SPC25: variants seen among roughly 807,000 people sequenced by gnomAD.
The protein encoded by SPC25 is SPC25 component of NDC80 kinetochore complex.
A neutral mutation model predicts 29.6 loss-of-function variants in SPC25; 22 were observed. That is an observed-to-expected ratio of 0.74 (90% CI 0.53 to 1.06). The LOEUF (loss-of-function observed/expected upper bound fraction) is 1.06, where lower values mean the gene tolerates loss of function less well. Among genes scored for constraint, SPC25 ranks in the 50% least tolerant of loss-of-function variants. The pLI is 0.00. For synonymous variants in SPC25, 91 were observed against 90.4 expected (o/e 1.01, Z -0.04); for missense variants, 230 against 255.8 (o/e 0.90, Z 0.69).
At chr2:168,877,108 T>C in intron 4 of SPC25, 130 bp downstream of exon 4, 1 of 883,810 alleles carries the variant, frequency 1.1e-6, no homozygotes, top group East Asian at 2.6e-5. Context: ...CAGAGATGAG[T>C]GGCTGGTTAT....
intron 1 of SPC25, 84 bp from the exon 2 acceptor site, chr2:168,889,617 C>T (rs1043156441): frequency 2.8e-6 from 4 of 1,403,522 alleles, no homozygotes; most frequent in Non-Finnish European, 3.8e-6. Context: ...AGTATTTTGG[C>T]AATTTGTCCT....
chr2:168,867,097 C>T (rs1298689966), downstream of SPC25, among the ~76,000 whole-genome samples: 1 of 152,104 alleles, frequency 6.6e-6, no homozygotes, highest in Non-Finnish European at 1.5e-5. Flanking sequence ...ACTAGAAATA[C>T]CATTTGACCC....
intron 3 of SPC25, among the ~76,000 whole-genome samples, chr2:168,880,874 G>A (rs1274994552): frequency 6.6e-6 from 1 of 152,156 alleles, no homozygotes; most frequent in Non-Finnish European, 1.5e-5. Context: ...TCTTATATGG[G>A]TGTCATTCAT....
chr2:168,868,072 A>G (rs1689901794), downstream of SPC25, among the ~76,000 whole-genome samples: 1 of 152,170 alleles, frequency 6.6e-6, no homozygotes, highest in Non-Finnish European at 1.5e-5. Flanking sequence ...ACTCAACTAC[A>G]TGGAAACTGA....
At chr2:168,863,499 CT>C in intron 4 of SPC25, 1 of 985,384 alleles carries the variant, frequency 1.0e-6, no homozygotes, top group African/African-American at 1.7e-5. Context: ...GCAGATCTTT[CT>C]ACTTTTATGA....
intron 3 of SPC25, among the ~76,000 whole-genome samples, chr2:168,883,682 A>G (rs1690212789): frequency 6.6e-6 from 1 of 152,176 alleles, no homozygotes; most frequent in Non-Finnish European, 1.5e-5. Context: ...AATACCACAT[A>G]TGAGAGTGTT....
chr2:168,863,695 T>A, intron 4 of SPC25: 1 of 973,276 alleles, frequency 1.0e-6, no homozygotes, highest in Non-Finnish European at 1.2e-6. Context: ...TTTTGGCCTG[T>A]GAAATCAGGG....
At chr2:168,886,537 T>G (rs1191062706) in intron 3 of SPC25, among the ~76,000 whole-genome samples, 1 of 151,094 alleles carries the variant, frequency 6.6e-6, no homozygotes, top group African/African-American at 2.4e-5. Flanking sequence ...TTTTTTTTTT[T>G]GAGATGGAGT....
Position 168,871,510 on chromosome 2 carries a change from T to G in SPC25, c.596A>C (p.Glu199Ala). ...AAAATTGTTGGTCTTCCTTACATTC[T>G]CTTGAAATTCTGCTAGGCCCTCAAG... ...PHLEGLAEFQ[E>A]NVRKTNNFSA... The change falls in exon 7 of 7, where the codon GAG (glutamate) becomes GCG (alanine). Residue 199 changes from glutamate to alanine, a missense_variant. Glu to Ala is a moderately radical substitution (Grantham distance 107). Transcript: ENST00000282074. 6.2e-7 allele frequency: 1 copy of G among 1,609,024 alleles called. No individual in the cohort carries two copies.
chr2:168,870,464 A>G (rs1291213757), downstream of SPC25, among the ~76,000 whole-genome samples: 1 of 151,068 alleles, frequency 6.6e-6, no homozygotes. Flanking sequence ...CTCATCTGAC[A>G]AAGGGCTAAT....
intron 3 of SPC25, among the ~76,000 whole-genome samples, chr2:168,883,852 C>G (rs1308446185): frequency 2.0e-5 from 3 of 151,422 alleles, no homozygotes; most frequent in African/African-American, 7.3e-5. Context: ...CTCACTGCAA[C>G]CTCCGCCTCC....
chr2:168,884,067 C>T (rs1294587032), intron 3 of SPC25, among the ~76,000 whole-genome samples: 1 of 152,166 alleles, frequency 6.6e-6, no homozygotes, highest in Non-Finnish European at 1.5e-5. Context: ...CTGCACCTGG[C>T]CTGCTGTGTG....
At chr2:168,886,054 T>C (rs1416511291) in intron 3 of SPC25, among the ~76,000 whole-genome samples, 1 of 143,092 alleles carries the variant, frequency 7.0e-6, no homozygotes, top group Non-Finnish European at 1.5e-5. Context: ...TACAATCTTT[T>C]TTTTTTTTTT....
At chr2:168,889,953 GAACAGTAAAAGTT>G (rs1345618728) in intron 1 of SPC25, among the ~76,000 whole-genome samples, 20 of 152,074 alleles carry the variant, frequency 1.3e-4, no homozygotes, top group African/African-American at 4.6e-4. Context: ...CTCCACCTCA[GAACAGTAAAAGTT>G]AACAGTAAAA....
chr2:168,888,594 C>G (rs1690313166), intron 3 of SPC25, among the ~76,000 whole-genome samples: 1 of 151,824 alleles, frequency 6.6e-6, no homozygotes, highest in African/African-American at 2.4e-5. Flanking sequence ...CAAAAAACCC[C>G]CACAATACTA....
intron 3 of SPC25, among the ~76,000 whole-genome samples, chr2:168,881,819 C>T (rs1690181189): frequency 1.3e-5 from 2 of 152,140 alleles, no homozygotes; most frequent in Admixed American, 1.3e-4. Context: ...TAGTCCATCA[C>T]TGAATTTATG....
intron 4 of SPC25, chr2:168,863,559 A>C: frequency 1.0e-6 from 1 of 985,234 alleles, no homozygotes; most frequent in South Asian, 4.7e-5. Context: ...TCTTTATTTG[A>C]ATCATTGCTT....
chr2:168,871,959 T>C (rs1690000645), intron 6 of SPC25, among the ~76,000 whole-genome samples: 2 of 111,144 alleles, frequency 1.8e-5, no homozygotes, highest in Non-Finnish European at 4.0e-5. Context: ...ACCACTGGAA[T>C]TAAAAAAAAA....
intron 3 of SPC25, among the ~76,000 whole-genome samples, chr2:168,887,734 AGAG>A (rs1158156004): frequency 6.6e-6 from 1 of 152,246 alleles, no homozygotes; most frequent in Non-Finnish European, 1.5e-5. Context: ...GACAACCTGG[AGAG>A]TAGTAGAAAT....
Sources: gnomAD v4.1 joint callset for allele counts (sites outside exome capture counted in the v4.1 genomes callset) on GRCh38, gnomAD v4.1.1 for gene constraint, MANE v1.5 for transcripts, NCBI Gene and HGNC (gene_info 2026-07-23, HGNC 2026-07-21) for gene names.